GGCX: variants seen among roughly 807,000 people sequenced by gnomAD.
The protein encoded by GGCX is vitamin K-dependent gamma-carboxylase.
A neutral mutation model predicts 88.5 loss-of-function variants in GGCX; 63 were observed. That is an observed-to-expected ratio of 0.71 (90% CI 0.58 to 0.88). The LOEUF (loss-of-function observed/expected upper bound fraction) is 0.88. GGCX is among the 40% of genes least tolerant of loss of function. The pLI is 0.00. For synonymous variants in GGCX, 368 were observed against 365.8 expected (o/e 1.01, Z -0.07); for missense variants, 805 against 932.9 (o/e 0.86, Z 1.79).
chr2:85,553,036 TAG>T lies in GGCX; in HGVS notation c.1188_1189del (p.Tyr397PhefsTer20). The T allele has an allele frequency of 6.2e-7, 1 of 1,614,146 alleles. No homozygotes were observed. Among genetic ancestry groups the T allele is most frequent in the Non-Finnish European group, 8.5e-7 (1 of 1,179,980 alleles). ...GGAGTGCACCATCATGTCCCAGGAA[TAG>T]CCATACAGCCCATTTGTCCAGTTGT... On this transcript the variant is annotated frameshift_variant, in exon 9 of 15. Transcript: ENST00000233838. LOFTEE classifies it high-confidence loss of function.
rs1056080496 is a variant in GGCX at position 85,547,265 on chromosome 2, C to T, written c.*2669G>A. ...AAAGGGGATGGATACCCATCAGGGG[C>T]AAAGATCCAAATCCTGAGGGTAGAA... On this transcript the variant is annotated 3_prime_UTR_variant, in exon 15 of 15. Transcript: ENST00000233838. 1.3e-5 allele frequency: 2 copies of T among 152,132 alleles called. No homozygotes were observed. The highest frequency in any genetic ancestry group is 4.8e-5 in the African/African-American group (2 of 41,412). The allele number at this position is 152,132 out of a possible 1,614,324, so 9.4% of individuals were successfully genotyped here.
chr2:85,550,733 G>T lies in GGCX; in HGVS notation c.1906C>A (p.Pro636Thr), dbSNP rs61733105. The T allele has an allele frequency of 8.6e-4, 1,381 of 1,613,922 alleles. 9 individuals carry two copies. In the Middle Eastern group the frequency reaches 0.013, roughly 15 times the overall value. The change falls in exon 14 of 15, where the codon CCA becomes ACA. Residue 636 changes from proline (P) to threonine (T), a missense_variant. Pro to Thr is a conservative substitution (Grantham distance 38). This residue lies in a region of GGCX where 680 missense variants were observed against 763.7 expected (regional missense o/e 0.89). Coordinates refer to ENST00000233838, the MANE Select transcript of GGCX (RefSeq NM_000821.7). The stretch of plus-strand genomic sequence containing the variant: ...CCTTCCAACAGAGGCTGCAGCTCTG[G>T]GGGTAGAGGCCCTGTTTCTGCCCGG... ...ENGSETGPLP[P>T]ELQPLLEGEV...
chr2:85,557,303 T>C (rs1331019523), intron 4 of GGCX, among the ~76,000 whole-genome samples: 2 of 152,182 alleles, frequency 1.3e-5, no homozygotes, highest in African/African-American at 2.4e-5. Context: ...CTGAGCAACA[T>C]AGTGAGATCC....
At chr2:85,561,248 G>T in intron 1 of GGCX, 138 bp downstream of exon 1, 1 of 653,990 alleles carries the variant, frequency 1.5e-6, no homozygotes, top group Non-Finnish European at 2.7e-6. Context: ...GGCTGCAAAT[G>T]TCTCACAGCA....
At position 85,549,248 on chromosome 2, in the gene GGCX, T is replaced by C. The variant is rs999452878; in HGVS notation, c.*686A>G. On this transcript the variant is annotated 3_prime_UTR_variant, in exon 15 of 15. Coordinates refer to ENST00000233838, the MANE Select transcript of GGCX (RefSeq NM_000821.7). ...ATGTCTTCGGGCAAATTATTTTACCTCTCAGCCTAATGTAATAATGCAGGT... is the reference window on the plus strand; with the variant it reads ...ATGTCTTCGGGCAAATTATTTTACCCCTCAGCCTAATGTAATAATGCAGGT... 9.8e-5 allele frequency: 15 copies of C among 152,684 alleles called. No homozygotes were observed. The highest frequency in any genetic ancestry group is 3.6e-4 in the African/African-American group (15 of 41,588). 9.5% of individuals were successfully genotyped at this position (152,684 alleles called of 1,614,324 possible). A position where few individuals can be genotyped will look rare whatever the true frequency, so the allele number is the denominator to read the frequency against.
In GGCX at chr2:85,550,745, C is replaced by G; in HGVS notation, c.1894G>C (p.Gly632Arg). ...KEKVENGSET[G>R]PLPPELQPLL... ...GGCTGCAGCTCTGGGGGTAGAGGCCCTGTTTCTGCCCGGAAGACAGAAAAA... is the reference window on the plus strand; with the variant it reads ...GGCTGCAGCTCTGGGGGTAGAGGCCGTGTTTCTGCCCGGAAGACAGAAAAA... The change falls in exon 14 of 15, where the codon GGG becomes CGG. Residue 632 changes from glycine (G) to arginine (R), a missense_variant. Around this residue, in one of 3 missense-constraint regions of GGCX, gnomAD observed 680 missense variants for 763.7 expected, o/e 0.89. Transcript: ENST00000233838. The G allele has an allele frequency of 6.2e-7, 1 of 1,613,694 alleles. No homozygotes were observed. Among genetic ancestry groups the G allele is most frequent in the Non-Finnish European group, 8.5e-7 (1 of 1,179,950 alleles).
At chr2:85,555,423 A>T in intron 6 of GGCX, 61 bp downstream of exon 6, 1 of 861,258 alleles carries the variant, frequency 1.2e-6, no homozygotes, top group South Asian at 1.3e-5. Context: ...TTACTGAGAG[A>T]GATGAGTCAC....
intron 1 of GGCX, 90 bp downstream of exon 1, chr2:85,561,296 C>A (rs1280209000): frequency 9.3e-6 from 7 of 754,056 alleles, no homozygotes; most frequent in East Asian, 8.2e-5. Context: ...CCCCGCCTCA[C>A]CGGGAGACAC....
At chr2:85,552,027 CA>C in intron 10 of GGCX, 46 bp from the exon 11 acceptor site, 1 of 1,413,038 alleles carries the variant, frequency 7.1e-7, no homozygotes, top group African/African-American at 1.4e-5. Context: ...GCCACCCACC[CA>C]CCAGAACTTC....
rs762613644 is a variant in GGCX at position 85,550,160 on chromosome 2, C to A, written c.2085-34G>T. On this transcript the variant is annotated intron_variant, in intron 14 of 14. Transcript: ENST00000233838. ...CAGGAAAAAGCCGACCAAGTTCAAA[C>A]TCCTGTTTCACCAGAAGAATTTCAG... 13 of 1,524,536 alleles carry A rather than the reference C, an allele frequency of 8.5e-6. No homozygotes were observed. In the South Asian group the frequency reaches 1.5e-4, roughly 17 times the overall value. The allele number at this position is 1,524,536 out of a possible 1,614,324, so 94.4% of individuals were successfully genotyped here.
intron 6 of GGCX, 52 bp downstream of exon 6, chr2:85,555,432 A>T: frequency 1.1e-6 from 1 of 915,982 alleles, no homozygotes; most frequent in South Asian, 1.3e-5. Context: ...GAGATGAGTC[A>T]CCTGCTCTGT....
In GGCX at chr2:85,550,743, C is replaced by A. The variant is rs747656458; in HGVS notation, c.1896G>T (p.Gly632=). ...KEKVENGSET[G]PLPPELQPLL... is the part of the protein sequence containing the mutation. ...GAGGCTGCAGCTCTGGGGGTAGAGG[C>A]CCTGTTTCTGCCCGGAAGACAGAAA... Residue 632 remains glycine (G), a synonymous_variant, in exon 14 of 15, where the codon GGG becomes GGT. Transcript: ENST00000233838. The A allele has an allele frequency of 1.2e-6, 2 of 1,613,786 alleles. No homozygotes were observed. Among genetic ancestry groups the A allele is most frequent in the Non-Finnish European group, 1.7e-6 (2 of 1,179,986 alleles).
At chr2:85,550,350 G>A (rs1412632719) in intron 14 of GGCX, among the ~76,000 whole-genome samples, 2 of 152,142 alleles carry the variant, frequency 1.3e-5, no homozygotes, top group African/African-American at 4.8e-5. Flanking sequence ...AGAGAGGCTG[G>A]AGATAAGCTG....
chr2:85,550,408 C>T (rs1163359068), intron 14 of GGCX, 147 bp downstream of exon 14: 3 of 710,954 alleles, frequency 4.2e-6, no homozygotes, highest in East Asian at 2.7e-5. Context: ...CTTATTCTTC[C>T]AGTAAATCAA....
At chr2:85,558,734 A>C in intron 3 of GGCX, 129 bp from the exon 4 acceptor site, 1 of 894,720 alleles carries the variant, frequency 1.1e-6, no homozygotes, top group Admixed American at 1.9e-5. Flanking sequence ...ATGAAAATTA[A>C]ATGTTATTTT....
intron 9 of GGCX, 105 bp downstream of exon 9, chr2:85,552,834 C>A: frequency 7.7e-7 from 1 of 1,290,656 alleles, no homozygotes. Flanking sequence ...AAAGGCAAAG[C>A]AGACTCAAAT....
chr2:85,558,549 G>A lies in GGCX; in HGVS notation c.430C>T (p.Leu144=). 2 of 1,612,852 alleles carry A rather than the reference G, an allele frequency of 1.2e-6. No homozygotes were observed. Among genetic ancestry groups the A allele is most frequent in the South Asian group, 1.1e-5 (1 of 91,044 alleles). ...CYRISCVLFL[L]PYWYVFLLDK... ...AGGAGAAACACATACCAGTATGGCA[G>A]CAGGAATAACACACAGCTTATCCGG... Residue 144 remains leucine, a synonymous_variant, in exon 4 of 15, where the codon CTG becomes TTG. Coordinates refer to ENST00000233838, the MANE Select transcript of GGCX (RefSeq NM_000821.7).
rs1691771700 is a variant in GGCX, at chr2:85,548,349, A to C, written c.*1585T>G. The C allele has an allele frequency of 6.6e-6, 1 of 152,196 alleles. No homozygotes were observed. The highest frequency in any genetic ancestry group is 1.5e-5 in the Non-Finnish European group (1 of 68,034). 9.4% of individuals were successfully genotyped at this position (152,196 alleles called of 1,614,324 possible). ...GAGCTGCCATTCAATAATAAAGAAT[A>C]AGGAAGTCTGAGTTGGGGATGAATG... On this transcript the variant is annotated 3_prime_UTR_variant, in exon 15 of 15. Transcript: ENST00000233838.
At chr2:85,556,784 G>A (rs191422421) in intron 4 of GGCX, among the ~76,000 whole-genome samples, 6 of 152,284 alleles carry the variant, frequency 3.9e-5, no homozygotes, top group African/African-American at 1.4e-4. Flanking sequence ...AACACCAGAT[G>A]TACTCTGGGG....
Sources: allele counts gnomAD v4.1 joint callset (sites outside exome capture counted in the v4.1 genomes callset), GRCh38; gene constraint gnomAD v4.1.1; regional missense constraint gnomAD v4.1.1; transcripts MANE v1.5; gene names NCBI Gene and HGNC (gene_info 2026-07-23, HGNC 2026-07-21).